NRXN3: variants seen among roughly 807,000 people sequenced by gnomAD.
The protein encoded by NRXN3 is neurexin 3, also known as neurexin III.
In NRXN3, 32 loss-of-function variants were observed where a neutral mutation model predicts 137.6. That is an observed-to-expected ratio of 0.23 (90% CI 0.18 to 0.31). The LOEUF is 0.31. Among genes scored for constraint, NRXN3 ranks in the 10% least tolerant of loss-of-function variants. NRXN3 has a pLI of 1.00. For missense variants in NRXN3, 1,574 were observed against 2,062.5 expected (o/e 0.76, Z 4.59); for synonymous variants, 798 against 784.5 (o/e 1.02, Z -0.29).
At chr14:79,379,663 A>G (rs770111584) in intron 15 of NRXN3, among the ~76,000 whole-genome samples, 3 of 152,124 alleles carry the variant, frequency 2.0e-5, no homozygotes, top group Non-Finnish European at 4.4e-5. Flanking sequence ...AGCTCTCACC[A>G]TTAACCATTT....
rs760558159 is a variant in NRXN3, at chr14:78,803,830, T to C, written c.2248+7T>C. On this transcript the variant is annotated splice_region_variant and intron_variant, in intron 9 of 20. Transcript: ENST00000335750. Reference sequence around the variant, plus strand: ...AAGCTCATGGTTAACTTAGGTATCGTATGAAGTACCCTCTGCCACTTCGTT... The same window carrying C: ...AAGCTCATGGTTAACTTAGGTATCGCATGAAGTACCCTCTGCCACTTCGTT... 6.2e-7 allele frequency: 1 copy of C among 1,611,546 alleles called. No individual in the cohort carries two copies. Among genetic ancestry groups the C allele is most frequent in the Non-Finnish European group, 8.5e-7 (1 of 1,179,172 alleles).
In NRXN3 at chr14:78,968,322, G is replaced by A. The variant is rs1238379105; in HGVS notation, c.3118G>A (p.Gly1040Arg). The A allele has an allele frequency of 9.3e-6, 15 of 1,613,822 alleles. No individual in the cohort carries two copies. Among genetic ancestry groups the A allele is most frequent in the Middle Eastern group, 3.3e-4 (2 of 6,062 alleles). Residue 1040 changes from glycine (G) to arginine (R), a missense_variant, in exon 14 of 21, where the codon GGA (glycine) becomes AGA (arginine). This residue lies in a region of NRXN3 where 718 missense variants were observed against 887.6 expected (regional missense o/e 0.81). Transcript: ENST00000335750. ...DLINDALHRS[G>R]QIERGCEGPS... ...CATCAATGATGCTCTTCATCGGAGC[G>A]GACAGATCGAGCGTGGCTGTGAAGG...
At chr14:79,334,796 C>T (rs2153342723) in intron 15 of NRXN3, among the ~76,000 whole-genome samples, 1 of 152,214 alleles carries the variant, frequency 6.6e-6, no homozygotes, top group Admixed American at 6.5e-5. Flanking sequence ...CTTCATAAAT[C>T]AGTAGAGTTG....
In NRXN3 at chr14:78,622,800, C is replaced by T. The variant is rs547125325; in HGVS notation, c.758-22320C>T. Among the ~76,000 whole-genome samples, 17 of 152,288 alleles carry T rather than the reference C, an allele frequency of 1.1e-4. No homozygotes were observed. In the South Asian group the frequency reaches 1.2e-3, roughly 11 times the overall value. On this transcript the variant is annotated intron_variant, in intron 4 of 20. Coordinates refer to ENST00000335750, the MANE Select transcript of NRXN3 (RefSeq NM_001330195.2). ...TGGATTTTGTATTTCTTGACCTTTC[C>T]GTGCTTTCATTTGGTAAACTTTGCA...
chr14:79,125,685 C>G (rs1002931681), intron 15 of NRXN3, among the ~76,000 whole-genome samples: 5 of 152,176 alleles, frequency 3.3e-5, no homozygotes, highest in Admixed American at 3.3e-4. Flanking sequence ...CCTCTATATA[C>G]TTTACTCTTA....
intron 4 of NRXN3, among the ~76,000 whole-genome samples, chr14:78,600,110 A>G (rs2097190704): frequency 6.6e-6 from 1 of 152,156 alleles, no homozygotes; most frequent in South Asian, 2.1e-4. Context: ...AGAGGGACAC[A>G]TTCATTTATT....
chr14:79,052,734 G>C (rs2099643723), intron 15 of NRXN3, among the ~76,000 whole-genome samples: 2 of 152,272 alleles, frequency 1.3e-5, no homozygotes, highest in South Asian at 4.2e-4. Context: ...TTCTAAACAG[G>C]TTGCAAAAAT....
intron 16 of NRXN3, among the ~76,000 whole-genome samples, chr14:79,583,065 C>G (rs960120897): frequency 3.3e-5 from 5 of 152,082 alleles, no homozygotes; most frequent in African/African-American, 1.2e-4. Context: ...ATCTAAAACA[C>G]ACAAAAAAGT....
intron 19 of NRXN3, among the ~76,000 whole-genome samples, chr14:79,729,676 C>CA (rs2098914633): frequency 6.6e-6 from 1 of 152,126 alleles, no homozygotes; most frequent in Non-Finnish European, 1.5e-5. Flanking sequence ...ATTTCAAAGT[C>CA]AAAATAACAA....
chr14:79,663,397 T>A (rs149709736), intron 16 of NRXN3, among the ~76,000 whole-genome samples: 1 of 152,236 alleles, frequency 6.6e-6, no homozygotes, highest in Non-Finnish European at 1.5e-5. Context: ...ATTGTAAATC[T>A]GAATTGATAA....
chr14:78,508,163 G>T (rs2096031227), intron 4 of NRXN3, among the ~76,000 whole-genome samples: 1 of 152,200 alleles, frequency 6.6e-6, no homozygotes, highest in Non-Finnish European at 1.5e-5. Flanking sequence ...ATGCTGAAAA[G>T]AGAGAAACCA....
At chr14:79,103,682 G>A (rs1281143950) in intron 15 of NRXN3, among the ~76,000 whole-genome samples, 2 of 151,998 alleles carry the variant, frequency 1.3e-5, no homozygotes, top group Admixed American at 1.3e-4. Context: ...AGCTATTAGG[G>A]AATAAAAAAA....
intron 4 of NRXN3, among the ~76,000 whole-genome samples, chr14:78,595,968 A>C (rs1379114974): frequency 2.6e-5 from 4 of 152,154 alleles, no homozygotes; most frequent in Non-Finnish European, 5.9e-5. Context: ...TTTCCTTGTC[A>C]CACTGGGGAT....
chr14:78,224,010 G>A (rs4903728), intron 1 of NRXN3, among the ~76,000 whole-genome samples: 63,260 of 151,748 alleles, frequency 0.42, 13,454 homozygotes, highest in African/African-American at 0.48. Flanking sequence ...GATATGAGCC[G>A]TGGCCACCTT....
At chr14:78,205,061 A>G (rs916463025) in intron 1 of NRXN3, among the ~76,000 whole-genome samples, 4 of 152,202 alleles carry the variant, frequency 2.6e-5, no homozygotes, top group Non-Finnish European at 5.9e-5. Context: ...AAATCTATTT[A>G]GGTGCCCGCT....
At chr14:78,837,323 C>T (rs867212907) in intron 10 of NRXN3, among the ~76,000 whole-genome samples, 17 of 152,228 alleles carry the variant, frequency 1.1e-4, no homozygotes, top group Admixed American at 9.2e-4. Context: ...GTCTAAGGCC[C>T]TCTTTGTTGG....
intron 19 of NRXN3, among the ~76,000 whole-genome samples, chr14:79,794,134 G>A (rs1406844211): frequency 1.3e-5 from 2 of 152,172 alleles, no homozygotes; most frequent in East Asian, 1.9e-4. Context: ...GGAGGATGAG[G>A]CAGGTGAATT....
intron 15 of NRXN3, among the ~76,000 whole-genome samples, chr14:79,129,534 T>G (rs1210178580): frequency 1.4e-5 from 2 of 142,594 alleles, no homozygotes; most frequent in African/African-American, 5.3e-5. Context: ...TGCACTGTGG[T>G]CTGAGAGATA....
chr14:78,943,274 A>T (rs1362524334), intron 10 of NRXN3, among the ~76,000 whole-genome samples: 1 of 152,118 alleles, frequency 6.6e-6, no homozygotes, highest in African/African-American at 2.4e-5. Flanking sequence ...CCTAATGGTG[A>T]TGAAGAAGAC....
Sources: allele counts gnomAD v4.1 joint callset (sites outside exome capture counted in the v4.1 genomes callset), GRCh38; gene constraint gnomAD v4.1.1; regional missense constraint gnomAD v4.1.1; transcripts MANE v1.5; gene names NCBI Gene and HGNC (gene_info 2026-07-23, HGNC 2026-07-21).